The following BACH2 variants were observed in gnomAD, a reference collection of about 807,000 sequenced individuals.
BACH2 encodes BACH transcriptional regulator 2, also known as transcription regulator protein BACH2.
Under a neutral mutation model 61.8 loss-of-function variants are expected in BACH2, and 5 were observed. That is an observed-to-expected ratio of 0.08 (90% CI 0.04 to 0.17). The LOEUF is 0.17. BACH2 is among the 10% of genes least tolerant of loss of function. The probability of loss-of-function intolerance (pLI) is 1.00; values close to 1 mark genes in which losing one functional copy is unlikely to be tolerated. For synonymous variants in BACH2, 446 were observed against 440.1 expected (o/e 1.01, Z -0.17); for missense variants, 824 against 1,091.1 (o/e 0.76, Z 3.45).
chr6:90,194,904 T>C (rs1410239082), intron 4 of BACH2, among the ~76,000 whole-genome samples: 1 of 152,242 alleles, frequency 6.6e-6, no homozygotes, highest in Non-Finnish European at 1.5e-5. Context: ...TTAACTTTGC[T>C]TTGTTTCGAA....
intron 4 of BACH2, among the ~76,000 whole-genome samples, chr6:90,132,224 T>C (rs1465086542): frequency 6.6e-6 from 1 of 152,220 alleles, no homozygotes; most frequent in Non-Finnish European, 1.5e-5. Context: ...TTGCAAGCAA[T>C]GTAGCATTAC....
chr6:90,000,630 T>C (rs950906887), intron 6 of BACH2, among the ~76,000 whole-genome samples: 6 of 152,258 alleles, frequency 3.9e-5, no homozygotes, highest in African/African-American at 1.4e-4. Context: ...CTAGCATTGT[T>C]ACTCCTTGTA....
chr6:90,096,453 C>CTGTA (rs1782384120), intron 4 of BACH2, among the ~76,000 whole-genome samples: 7 of 152,238 alleles, frequency 4.6e-5, no homozygotes, highest in Admixed American at 4.6e-4. Context: ...TGTTTATTTA[C>CTGTA]TGTATAATTA....
At chr6:90,022,826 G>C (rs747052581) in intron 5 of BACH2, among the ~76,000 whole-genome samples, 41 of 152,290 alleles carry the variant, frequency 2.7e-4, no homozygotes, top group Non-Finnish European at 3.2e-4. Context: ...TAGCAAAGTT[G>C]AAGATATGCA....
rs1228343523 is a variant in BACH2, at chr6:89,947,732, A to AT, written c.1836+2537dup. Among the ~76,000 whole-genome samples, 1,147 of 146,062 alleles carry AT rather than the reference A, an allele frequency of 7.9e-3. 17 individuals carry two copies. Among genetic ancestry groups the AT allele is most frequent in the African/African-American group, 0.026 (1,038 of 39,952 alleles). On this transcript the variant is annotated intron_variant, in intron 7 of 8. Coordinates refer to ENST00000257749, the MANE Select transcript of BACH2 (RefSeq NM_021813.4). The stretch of plus-strand genomic sequence containing the variant: ...AGGCGCCCACCACGACGCCCAGCTA[A>AT]TTTTTTTTTTTGTATTTTTTAGTAG...
intron 6 of BACH2, among the ~76,000 whole-genome samples, chr6:89,965,108 A>G (rs1774983514): frequency 6.6e-6 from 1 of 152,128 alleles, no homozygotes; most frequent in African/African-American, 2.4e-5. Context: ...GCTAGTCTCG[A>G]ACTCCTGACC....
At chr6:90,086,892 G>A (rs1262544330) in intron 5 of BACH2, among the ~76,000 whole-genome samples, 2 of 152,170 alleles carry the variant, frequency 1.3e-5, no homozygotes, top group Non-Finnish European at 2.9e-5. Flanking sequence ...AGTGCTTGTT[G>A]GAGATGGTAT....
intron 4 of BACH2, among the ~76,000 whole-genome samples, chr6:90,129,673 T>C (rs1170122959): frequency 6.6e-6 from 1 of 152,128 alleles, no homozygotes; most frequent in African/African-American, 2.4e-5. Context: ...CTTGAAGAGG[T>C]CCTTCACATC....
chr6:90,230,169 C>G (rs1434987186), intron 3 of BACH2, among the ~76,000 whole-genome samples: 1 of 152,186 alleles, frequency 6.6e-6, no homozygotes, highest in Non-Finnish European at 1.5e-5. Flanking sequence ...TACGTGGGTT[C>G]AAATCCCTGC....
At chr6:89,933,017 C>T in intron 8 of BACH2, 127 bp from the exon 9 acceptor site, 1 of 1,099,214 alleles carries the variant, frequency 9.1e-7, no homozygotes, top group Non-Finnish European at 1.3e-6. Context: ...ATGACTAGGT[C>T]AGGCTCTAGA....
chr6:89,989,195 TAC>T (rs1354211672), intron 6 of BACH2, among the ~76,000 whole-genome samples: 2 of 152,214 alleles, frequency 1.3e-5, no homozygotes, highest in Non-Finnish European at 2.9e-5. Context: ...CCTAGAAATG[TAC>T]ACAGTTTGGT....
At chr6:90,097,981 A>C (rs1221590666) in intron 4 of BACH2, among the ~76,000 whole-genome samples, 3 of 152,216 alleles carry the variant, frequency 2.0e-5, no homozygotes, top group Non-Finnish European at 4.4e-5. Flanking sequence ...ACCATGTGAA[A>C]AGGCGGCTTT....
At chr6:89,944,826 C>T (rs1037021126) in intron 7 of BACH2, among the ~76,000 whole-genome samples, 2 of 152,122 alleles carry the variant, frequency 1.3e-5, no homozygotes, top group African/African-American at 2.4e-5. Context: ...CTCTGTGGTG[C>T]TTCTTTACTA....
intron 5 of BACH2, among the ~76,000 whole-genome samples, chr6:90,053,998 G>T (rs1450391611): frequency 1.3e-5 from 2 of 152,048 alleles, no homozygotes; most frequent in Non-Finnish European, 2.9e-5. Flanking sequence ...GAGCCAAGAT[G>T]GCCGAATAGG....
chr6:89,966,627 CTA>C (rs1295558782), intron 6 of BACH2, among the ~76,000 whole-genome samples: 2 of 152,176 alleles, frequency 1.3e-5, no homozygotes, highest in Non-Finnish European at 2.9e-5. Context: ...TGAATCTTTT[CTA>C]TATGTTATTC....
intron 3 of BACH2, among the ~76,000 whole-genome samples, chr6:90,235,729 T>C (rs756590694): frequency 6.6e-6 from 1 of 152,230 alleles, no homozygotes; most frequent in Non-Finnish European, 1.5e-5. Flanking sequence ...TCCAGCTTGA[T>C]GGACAATCCC....
At chr6:90,147,696 T>C (rs1347579502) in intron 4 of BACH2, among the ~76,000 whole-genome samples, 1 of 152,188 alleles carries the variant, frequency 6.6e-6, no homozygotes, top group African/African-American at 2.4e-5. Context: ...CTTCTTCCTG[T>C]TGTATAAAAG....
At chr6:89,956,335 C>T (rs938777887) in intron 6 of BACH2, among the ~76,000 whole-genome samples, 1 of 152,178 alleles carries the variant, frequency 6.6e-6, no homozygotes, top group Non-Finnish European at 1.5e-5. Flanking sequence ...ACCCTCCAAC[C>T]TCCCACAGAC....
chr6:90,255,631 A>C (rs1211229405), intron 2 of BACH2, among the ~76,000 whole-genome samples: 1 of 152,214 alleles, frequency 6.6e-6, no homozygotes, highest in Non-Finnish European at 1.5e-5. Flanking sequence ...CAATGAGACA[A>C]ATTTGCAAAA....
Sources: allele counts gnomAD v4.1 joint callset (sites outside exome capture counted in the v4.1 genomes callset), GRCh38; gene constraint gnomAD v4.1.1; transcripts MANE v1.5; gene names NCBI Gene and HGNC (gene_info 2026-07-23, HGNC 2026-07-21).